FRAS1: variants seen among roughly 807,000 people sequenced by gnomAD.
FRAS1 encodes extracellular matrix organizing protein FRAS1.
Under a neutral mutation model 435.2 loss-of-function variants are expected in FRAS1, and 290 were observed. The ratio of observed to expected loss-of-function variants is 0.67; its 90% CI spans 0.61 to 0.73. The LOEUF is 0.73. Among genes scored for constraint, FRAS1 ranks in the 30% least tolerant of loss-of-function variants. FRAS1 has a pLI of 0.00. For missense variants in FRAS1, 4,860 were observed against 5,001.5 expected, an observed-to-expected ratio of 0.97 and a Z score of 0.85; for synonymous variants, 1,800 against 1,851.0, an observed-to-expected ratio of 0.97 and a Z score of 0.71.
intron 22 of FRAS1, among the ~76,000 whole-genome samples, chr4:78,366,614 A>G (rs1411156062): frequency 1.3e-5 from 2 of 152,132 alleles, no homozygotes; most frequent in East Asian, 3.9e-4. Flanking sequence ...TTGAACCCCC[A>G]CACTGTGAGG....
In FRAS1 at chr4:78,255,141, C is replaced by G. The variant is rs144051448; in HGVS notation, c.470-101C>G. 117 of 1,132,338 alleles carry G rather than the reference C, an allele frequency of 1.0e-4. No homozygotes were observed. In the African/African-American group the frequency reaches 1.7e-3, roughly 16 times the overall value. The allele number at this position is 1,132,338 out of a possible 1,614,324, so 70.1% of individuals were successfully genotyped here. ...CAAATGCAGGACCTCCTTCTGTGCA[C>G]TGGGCTTCTGACCAACTGCACTGGC... On this transcript the variant is annotated intron_variant, in intron 5 of 73. Transcript: ENST00000512123.
In FRAS1 at chr4:78,515,793, T is replaced by G; in HGVS notation, c.10175-6T>G. ...TTATCGTTCCTTGTTCTTCCCTCCC[T>G]GGCAGAGGCAGGGTTCCTGGATGAT... On this transcript the variant is annotated splice_polypyrimidine_tract_variant and splice_region_variant and intron_variant, in intron 65 of 73. Transcript: ENST00000512123. 6.2e-7 allele frequency: 1 copy of G among 1,613,276 alleles called. No individual in the cohort carries two copies. Among genetic ancestry groups the G allele is most frequent in the Non-Finnish European group, 8.5e-7 (1 of 1,179,628 alleles).
intron 2 of FRAS1, among the ~76,000 whole-genome samples, chr4:78,235,689 C>A (rs1724721919): frequency 6.6e-6 from 1 of 152,214 alleles, no homozygotes. Context: ...TGGCTCATGC[C>A]TGTAGGCCCA....
At chr4:78,160,054 G>T (rs150943746) in intron 2 of FRAS1, among the ~76,000 whole-genome samples, 1 of 152,102 alleles carries the variant, frequency 6.6e-6, no homozygotes, top group African/African-American at 2.4e-5. Flanking sequence ...GTCAGAGTGG[G>T]TATCTATTGC....
intron 3 of FRAS1, 40 bp from the exon 4 acceptor site, chr4:78,245,193 G>A: frequency 1.5e-6 from 2 of 1,361,240 alleles, no homozygotes; most frequent in Non-Finnish European, 2.1e-6. Context: ...CTTGGTGTGT[G>A]CTGCTGCTGT....
intron 1 of FRAS1, among the ~76,000 whole-genome samples, chr4:78,062,382 C>G (rs932851897): frequency 6.6e-6 from 1 of 152,156 alleles, no homozygotes; most frequent in Admixed American, 6.5e-5. Flanking sequence ...GTGCACACAG[C>G]CATATGCTGA....
chr4:78,539,987 A>C (rs1721999178), intron 73 of FRAS1, among the ~76,000 whole-genome samples: 1 of 152,222 alleles, frequency 6.6e-6, no homozygotes, highest in South Asian at 2.1e-4. Context: ...ATTTTAATGG[A>C]GGAAGATGAG....
At chr4:78,498,084 C>T (rs1222717591) in intron 60 of FRAS1, among the ~76,000 whole-genome samples, 1 of 152,172 alleles carries the variant, frequency 6.6e-6, no homozygotes, top group East Asian at 1.9e-4. Flanking sequence ...ACACTGGGGC[C>T]TGTTGACAGG....
chr4:78,395,738 T>C (rs534461632), intron 29 of FRAS1, among the ~76,000 whole-genome samples: 2 of 152,232 alleles, frequency 1.3e-5, no homozygotes, highest in South Asian at 4.1e-4. Context: ...TTTCAGCCTA[T>C]ATGTCTCCCT....
At chr4:78,132,611 G>C (rs1719734838) in intron 2 of FRAS1, among the ~76,000 whole-genome samples, 1 of 152,180 alleles carries the variant, frequency 6.6e-6, no homozygotes, top group Admixed American at 6.5e-5. Context: ...AGATCACTCT[G>C]GTTGTTCAGG....
intron 45 of FRAS1, among the ~76,000 whole-genome samples, chr4:78,450,647 A>C (rs1285271672): frequency 6.6e-6 from 1 of 152,176 alleles, no homozygotes; most frequent in Non-Finnish European, 1.5e-5. Context: ...AGAGAAGGAA[A>C]AAAGAAGTGA....
At chr4:78,073,244 A>G (rs1740452380) in intron 2 of FRAS1, among the ~76,000 whole-genome samples, 1 of 152,172 alleles carries the variant, frequency 6.6e-6, no homozygotes, top group South Asian at 2.1e-4. Flanking sequence ...GTATGAGAGG[A>G]ATAATACAAG....
intron 2 of FRAS1, among the ~76,000 whole-genome samples, chr4:78,208,772 T>C: frequency 6.6e-6 from 1 of 152,168 alleles, no homozygotes; most frequent in Non-Finnish European, 1.5e-5. Flanking sequence ...ACATGCTTAT[T>C]GTAATAAGTA....
chr4:78,515,739 A>G, intron 65 of FRAS1, 60 bp from the exon 66 acceptor site: 1 of 1,523,788 alleles, frequency 6.6e-7, no homozygotes, highest in African/African-American at 1.4e-5. Flanking sequence ...TCTTCACCCC[A>G]CCCTGCTCCT....
intron 2 of FRAS1, among the ~76,000 whole-genome samples, chr4:78,198,439 A>T (rs1172744998): frequency 6.6e-6 from 1 of 152,146 alleles, no homozygotes; most frequent in Non-Finnish European, 1.5e-5. Flanking sequence ...ATCTTCCCAA[A>T]TGAATTAAGT....
rs187612429 is a variant in FRAS1, at chr4:78,496,819, G to A, written c.8973G>A (p.Thr2991=). ...ATTGGCTCTAGGTGAAGAACTGTAC[G>A]GTCTATATCCACGATGACTCCATGT... ...FLKGDKVKNC[T]VYIHDDSMFE... is the part of the protein sequence containing the mutation. Residue 2991 remains threonine (T), a synonymous_variant, in exon 60 of 74, where the codon ACG becomes ACA. Coordinates refer to ENST00000512123, the MANE Select transcript of FRAS1 (RefSeq NM_025074.7). 2.6e-4 allele frequency: 427 copies of A among 1,613,436 alleles called. 1 individual carries two copies. The African/African-American group carries it at 5.1e-3, about 19-fold the overall frequency.
intron 54 of FRAS1, among the ~76,000 whole-genome samples, chr4:78,476,618 A>G (rs941726499): frequency 2.0e-5 from 3 of 152,228 alleles, no homozygotes; most frequent in Non-Finnish European, 4.4e-5. Context: ...GAAAGAACAG[A>G]TAAGCTAATG....
intron 1 of FRAS1, among the ~76,000 whole-genome samples, chr4:78,064,031 C>T: frequency 6.6e-6 from 1 of 151,840 alleles, no homozygotes; most frequent in African/African-American, 2.4e-5. Context: ...TTAGTACACA[C>T]ATCACACACA....
intron 66 of FRAS1, among the ~76,000 whole-genome samples, chr4:78,518,892 T>C (rs1460896573): frequency 6.6e-6 from 1 of 152,172 alleles, no homozygotes; most frequent in African/African-American, 2.4e-5. Flanking sequence ...TGTGGGCATC[T>C]TCCTGATGAT....
Sources: gnomAD v4.1 joint callset for allele counts (sites outside exome capture counted in the v4.1 genomes callset) on GRCh38, gnomAD v4.1.1 for gene constraint, MANE v1.5 for transcripts, NCBI Gene and HGNC (gene_info 2026-07-23, HGNC 2026-07-21) for gene names.